MAF: variants seen among roughly 807,000 people sequenced by gnomAD.
MAF encodes transcription factor Maf.
In MAF, 10 loss-of-function variants were observed where a neutral mutation model predicts 22.0. The ratio of observed to expected loss-of-function variants is 0.45; its 90% CI spans 0.28 to 0.77. MAF has a LOEUF of 0.77. Among genes scored for constraint, MAF ranks in the 30% least tolerant of loss-of-function variants. MAF has a pLI of 0.12. For missense variants in MAF, 544 were observed against 548.4 expected, an observed-to-expected ratio of 0.99 and a Z score of 0.08; for synonymous variants, 337 against 255.8, an observed-to-expected ratio of 1.32 and a Z score of -3.03.
chr16:79,565,220 C>G, the MAF span, among the ~76,000 whole-genome samples: 1 of 152,162 alleles, frequency 6.6e-6, no homozygotes, highest in Non-Finnish European at 1.5e-5. Context: ...GGAGTTGAAC[C>G]CGGCCCAATT....
At chr16:79,568,405 C>G in the MAF span, among the ~76,000 whole-genome samples, 10 of 152,170 alleles carry the variant, frequency 6.6e-5, no homozygotes, top group African/African-American at 2.4e-4. Flanking sequence ...AATGGGAAGG[C>G]CTGTAGGGAG....
the MAF span, among the ~76,000 whole-genome samples, chr16:79,230,987 G>A: frequency 1.1e-4 from 16 of 152,038 alleles, no homozygotes; most frequent in Admixed American, 9.8e-4. Flanking sequence ...GCAGCTTGTC[G>A]GGTTGGTCAG....
At chr16:79,331,073 G>A in the MAF span, among the ~76,000 whole-genome samples, 1 of 152,184 alleles carries the variant, frequency 6.6e-6, no homozygotes, top group Non-Finnish European at 1.5e-5. Flanking sequence ...AAGAAACAAA[G>A]TGGGTTTGTT....
chr16:79,229,346 C>T, the MAF span: 2 of 151,546 alleles, frequency 1.3e-5, no homozygotes, highest in Non-Finnish European at 2.9e-5. Context: ...CGAGGCTCCT[C>T]CGGAAAGCAG....
chr16:79,438,347 A>T, the MAF span, among the ~76,000 whole-genome samples: 1 of 152,230 alleles, frequency 6.6e-6, no homozygotes, highest in African/African-American at 2.4e-5. Context: ...ACACGGGCGG[A>T]TTAGGTGGCT....
the MAF span, among the ~76,000 whole-genome samples, chr16:79,263,149 C>G: frequency 6.6e-6 from 1 of 152,162 alleles, no homozygotes; most frequent in Non-Finnish European, 1.5e-5. Context: ...ACTAGGCAGA[C>G]ACGGCCTCTC....
the MAF span, among the ~76,000 whole-genome samples, chr16:79,543,848 G>T: frequency 6.6e-6 from 1 of 152,040 alleles, no homozygotes; most frequent in East Asian, 1.9e-4. Flanking sequence ...CACCGCGCCC[G>T]GCTAATTTTT....
the MAF span, among the ~76,000 whole-genome samples, chr16:79,226,332 G>A: frequency 6.6e-6 from 1 of 152,066 alleles, no homozygotes. Context: ...TGAACATTGA[G>A]AACACACGGA....
chr16:79,596,526 T>C (rs1488866455), intron 1 of MAF: 1 of 1,049,282 alleles, frequency 9.5e-7, no homozygotes, highest in African/African-American at 1.7e-5. Context: ...TTTCTTGATA[T>C]AACCAGAATT....
At chr16:79,374,265 A>G in the MAF span, among the ~76,000 whole-genome samples, 1 of 152,024 alleles carries the variant, frequency 6.6e-6, no homozygotes, top group Non-Finnish European at 1.5e-5. Context: ...TAATGGTGCC[A>G]TTTTCCTCTC....
At chr16:79,246,739 G>A in the MAF span, among the ~76,000 whole-genome samples, 1 of 152,120 alleles carries the variant, frequency 6.6e-6, no homozygotes, top group Non-Finnish European at 1.5e-5. Flanking sequence ...GGGTGGAATT[G>A]AGTCTAAGAA....
At chr16:79,398,334 T>C in the MAF span, among the ~76,000 whole-genome samples, 1 of 152,250 alleles carries the variant, frequency 6.6e-6, no homozygotes, top group African/African-American at 2.4e-5. Flanking sequence ...TTAATTAACT[T>C]GCAGTATGGA....
the MAF span, among the ~76,000 whole-genome samples, chr16:79,345,350 A>G: frequency 6.6e-6 from 1 of 152,204 alleles, no homozygotes; most frequent in Non-Finnish European, 1.5e-5. Flanking sequence ...CTAAAATACA[A>G]TGGCGATAAG....
chr16:79,528,599 C>T, the MAF span, among the ~76,000 whole-genome samples: 1 of 151,492 alleles, frequency 6.6e-6, no homozygotes, highest in African/African-American at 2.4e-5. Flanking sequence ...TCAAATAACC[C>T]ATTCTCTTAA....
At chr16:79,404,257 G>A in the MAF span, among the ~76,000 whole-genome samples, 8 of 148,620 alleles carry the variant, frequency 5.4e-5, no homozygotes, top group African/African-American at 1.3e-4. Flanking sequence ...TCCGCCTCCC[G>A]GGTTCAAGCA....
chr16:79,340,990 G>A, the MAF span, among the ~76,000 whole-genome samples: 1 of 152,198 alleles, frequency 6.6e-6, no homozygotes, highest in South Asian at 2.1e-4. Flanking sequence ...AAGATGAAGA[G>A]GGACCAGCTA....
At chr16:79,493,150 T>C in the MAF span, among the ~76,000 whole-genome samples, 1 of 151,294 alleles carries the variant, frequency 6.6e-6, no homozygotes, top group African/African-American at 2.4e-5. Flanking sequence ...TTTGTTTTGT[T>C]TTGTCTTGTT....
At chr16:79,309,641 A>C in the MAF span, among the ~76,000 whole-genome samples, 1 of 152,200 alleles carries the variant, frequency 6.6e-6, no homozygotes, top group Non-Finnish European at 1.5e-5. Context: ...ATAGTGCAAC[A>C]ATCTCTGAGT....
downstream of MAF, among the ~76,000 whole-genome samples, chr16:79,589,911 G>A (rs1337807246): frequency 6.6e-6 from 1 of 152,154 alleles, no homozygotes; most frequent in South Asian, 2.1e-4. Context: ...CGTTGCTGGC[G>A]TCTGAGCGCA....
Sources: allele counts gnomAD v4.1 joint callset (sites outside exome capture counted in the v4.1 genomes callset), GRCh38; gene constraint gnomAD v4.1.1; transcripts MANE v1.5; gene names NCBI Gene and HGNC (gene_info 2026-07-23, HGNC 2026-07-21).